The following SMIM23 variants were observed in gnomAD, a reference collection of about 807,000 sequenced individuals.
The protein encoded by SMIM23 is CTB-78H18.1.
A neutral mutation model predicts 12.8 loss-of-function variants in SMIM23; 10 were observed. The ratio of observed to expected loss-of-function variants is 0.78; its 90% CI spans 0.48 to 1.32. The LOEUF is 1.32. Ranked by LOEUF, SMIM23 falls within the 40% of genes most tolerant of loss-of-function variation. The pLI, the probability that SMIM23 is intolerant of heterozygous loss-of-function variation, is 0.00. For synonymous variants in SMIM23, 78 were observed against 80.1 expected (o/e 0.97, Z 0.14); for missense variants, 184 against 198.2 (o/e 0.93, Z 0.43).
upstream of SMIM23, among the ~76,000 whole-genome samples, chr5:171,782,074 T>C (rs1755738353): frequency 6.6e-6 from 1 of 152,200 alleles, no homozygotes; most frequent in Non-Finnish European, 1.5e-5. Context: ...TGTGGAAGCT[T>C]TGTTGTTTCG....
intron 1 of SMIM23, among the ~76,000 whole-genome samples, chr5:171,787,973 T>C (rs1755849412): frequency 2.0e-5 from 3 of 152,248 alleles, no homozygotes; most frequent in African/African-American, 7.2e-5. Flanking sequence ...GTTGCTAGTA[T>C]TATAAAGAAA....
chr5:171,781,596 G>A (rs534433289), upstream of SMIM23, among the ~76,000 whole-genome samples: 4 of 151,586 alleles, frequency 2.6e-5, no homozygotes, highest in Admixed American at 1.3e-4. Context: ...TTGTGTGTCC[G>A]TGTCCTAAAC....
chr5:171,781,544 C>A (rs934050138), upstream of SMIM23, among the ~76,000 whole-genome samples: 7 of 152,030 alleles, frequency 4.6e-5, no homozygotes, highest in East Asian at 1.9e-4. Flanking sequence ...AGTGCCCCCC[C>A]CCGTCTCTAG....
intron 1 of SMIM23, among the ~76,000 whole-genome samples, chr5:171,787,145 G>A (rs1024912960): frequency 4.0e-5 from 6 of 149,472 alleles, no homozygotes; most frequent in Non-Finnish European, 7.4e-5. Flanking sequence ...TCAGCCTCCC[G>A]AGCAGCTGGG....
upstream of SMIM23, among the ~76,000 whole-genome samples, chr5:171,779,006 G>C (rs1216604350): frequency 2.0e-5 from 3 of 152,172 alleles, no homozygotes. Context: ...GGCTTCTGTG[G>C]CTCGCCATAG....
chr5:171,790,006 G>A (rs1468750603), intron 1 of SMIM23, among the ~76,000 whole-genome samples: 2 of 152,220 alleles, frequency 1.3e-5, no homozygotes, highest in Non-Finnish European at 2.9e-5. Context: ...GTTTACATGA[G>A]AGAAAATGCA....
chr5:171,775,719 T>C, the SMIM23 span, among the ~76,000 whole-genome samples: 1 of 152,234 alleles, frequency 6.6e-6, no homozygotes, highest in Non-Finnish European at 1.5e-5. Flanking sequence ...GCGAGGATTC[T>C]ATAAGGGAAT....
At position 171,789,468 on chromosome 5, in the gene SMIM23, T is replaced by A. The variant is rs537197942; in HGVS notation, c.106-762T>A. Among the ~76,000 whole-genome samples the A allele has an allele frequency of 2.0e-5, 3 of 152,326 alleles. No individual in the cohort carries two copies. The East Asian group carries it at 5.8e-4, about 29-fold the overall frequency. ...ACATATGTTCACATAAGGAATTGTA[T>A]ATGAGTGTTCATAGCACTTTTATTC... On this transcript the variant is annotated intron_variant, in intron 1 of 3. Transcript: ENST00000523047.
intron 1 of SMIM23, among the ~76,000 whole-genome samples, chr5:171,786,896 G>T (rs1157311178): frequency 9.9e-5 from 15 of 151,262 alleles, no homozygotes; most frequent in Admixed American, 8.6e-4. Flanking sequence ...GACTGACGCT[G>T]CTCATTCACG....
chr5:171,774,317 C>T, the SMIM23 span: 1 of 433,132 alleles, frequency 2.3e-6, no homozygotes, highest in Non-Finnish European at 4.6e-6. Flanking sequence ...GTGAAATAGA[C>T]AGTAATGTTG....
intron 1 of SMIM23, among the ~76,000 whole-genome samples, chr5:171,787,248 G>A (rs577876927): frequency 6.6e-6 from 1 of 152,054 alleles, no homozygotes; most frequent in Non-Finnish European, 1.5e-5. Context: ...TCGAACTCCT[G>A]ACCTCATGAT....
chr5:171,776,444 C>A, the SMIM23 span, among the ~76,000 whole-genome samples: 5 of 152,200 alleles, frequency 3.3e-5, no homozygotes, highest in Non-Finnish European at 7.3e-5. Flanking sequence ...CACTTTCCTG[C>A]ATCTGCAGAA....
At chr5:171,779,779 T>G (rs1581069747), upstream of SMIM23, among the ~76,000 whole-genome samples, 5 of 140,834 alleles carry the variant, frequency 3.6e-5, no homozygotes, top group Admixed American at 7.2e-5. Flanking sequence ...GAGGCAGGAG[T>G]GGGAATGAAG....
chr5:171,778,647 G>C (rs1043727275), upstream of SMIM23, among the ~76,000 whole-genome samples: 1 of 152,174 alleles, frequency 6.6e-6, no homozygotes, highest in African/African-American at 2.4e-5. Flanking sequence ...TGCATGCTTT[G>C]AGAGTTCAGC....
the SMIM23 span, among the ~76,000 whole-genome samples, chr5:171,775,865 T>C: frequency 6.9e-6 from 1 of 145,346 alleles, no homozygotes; most frequent in East Asian, 2.0e-4. Context: ...AGGCACGTAT[T>C]TCATTTTGTT....
chr5:171,786,487 C>T (rs1005357664), intron 1 of SMIM23, among the ~76,000 whole-genome samples: 5 of 152,084 alleles, frequency 3.3e-5, no homozygotes, highest in African/African-American at 9.7e-5. Flanking sequence ...GCAAAAGGGC[C>T]GTACAACTGG....
chr5:171,777,493 CA>C (rs1231268532), upstream of SMIM23, among the ~76,000 whole-genome samples: 1 of 152,216 alleles, frequency 6.6e-6, no homozygotes, highest in African/African-American at 2.4e-5. Flanking sequence ...AAGCCTATGC[CA>C]AGGCTGTGTG....
upstream of SMIM23, among the ~76,000 whole-genome samples, chr5:171,781,475 C>T (rs1054515874): frequency 3.9e-5 from 6 of 152,098 alleles, no homozygotes; most frequent in Non-Finnish European, 5.9e-5. Flanking sequence ...ACACCACCTC[C>T]GCAAGCCTAA....
chr5:171,790,281 G>A lies in SMIM23; in HGVS notation c.157G>A (p.Gly53Arg). 1 of 1,536,024 alleles carries A rather than the reference G, an allele frequency of 6.5e-7. No individual in the cohort carries two copies. The highest frequency in any genetic ancestry group is 1.2e-5 in the South Asian group (1 of 84,044). Residue 53 changes from glycine to arginine, a missense_variant and splice_region_variant, in exon 2 of 4, where the codon GGA becomes AGA. Gly to Arg is a moderately radical substitution (Grantham distance 125, BLOSUM62 -2). Coordinates refer to ENST00000523047, the MANE Select transcript of SMIM23 (RefSeq NM_001289970.2). Reference protein sequence around the residue: ...LVLYLSTEIWGSSWEVSERIR... With the variant: ...LVLYLSTEIWRSSWEVSERIR... Reference sequence around the variant, plus strand: ...GCTGTACTTGAGCACAGAGATATGGGGTGAGCATTCTGGAATCTGAGAAAG... The same window carrying A: ...GCTGTACTTGAGCACAGAGATATGGAGTGAGCATTCTGGAATCTGAGAAAG...
Sources: gnomAD v4.1 joint callset for allele counts (sites outside exome capture counted in the v4.1 genomes callset) on GRCh38, gnomAD v4.1.1 for gene constraint, MANE v1.5 for transcripts, NCBI Gene and HGNC (gene_info 2026-07-23, HGNC 2026-07-21) for gene names.